Variants in PROSER2 observed in about 807,000 individuals in gnomAD.
PROSER2 encodes the protein proline and serine rich 2, also known as proline and serine-rich protein 2.
PROSER2 carries 18 observed loss-of-function variants against 14.6 expected under a neutral mutation model. The ratio of observed to expected loss-of-function variants is 1.23; its 90% confidence interval spans 0.85 to 1.83. The LOEUF (loss-of-function observed/expected upper bound fraction) is 1.83, where lower values mean the gene tolerates loss of function less well. PROSER2 is among the 40% of genes most tolerant of loss of function. The pLI is 0.00. For synonymous variants in PROSER2, 367 were observed against 286.4 expected, an observed-to-expected ratio of 1.28 and a Z score of -2.84; for missense variants, 823 against 629.8, an observed-to-expected ratio of 1.31 and a Z score of -3.28.
intron 1 of PROSER2, among the ~76,000 whole-genome samples, chr10:11,844,090 C>G (rs905889483): frequency 1.3e-5 from 2 of 152,158 alleles, no homozygotes; most frequent in Admixed American, 6.5e-5. Context: ...CTCCTGGCCT[C>G]AAGTGATCCT....
intron 1 of PROSER2, among the ~76,000 whole-genome samples, chr10:11,824,042 C>T (rs973171027): frequency 2.0e-5 from 3 of 152,156 alleles, no homozygotes; most frequent in South Asian, 2.1e-4. Context: ...GAACAAAAGG[C>T]AGTAAAATAA....
Position 11,836,583 on chromosome 10 carries a change from C to T in PROSER2, c.-82+13113C>T, listed in dbSNP as rs1278759736. Among the ~76,000 whole-genome samples the T allele has an allele frequency of 6.6e-6, 1 of 152,124 alleles. No homozygotes were observed. The highest frequency in any genetic ancestry group is 1.5e-5 in the Non-Finnish European group (1 of 68,026). On this transcript the variant is annotated intron_variant, in intron 1 of 3. Transcript: ENST00000277570. The surrounding 1 kb of genome is among the most constrained non-coding windows in gnomAD (Gnocchi z 4.6). ...ATCTTCACAAAATTCATGGTATGCA[C>T]GCCGGCCCCTTCCTAGCGTGTAGGT... is the stretch of plus-strand genomic sequence containing the variant.
At chr10:11,834,370 A>C (rs1184209940) in intron 1 of PROSER2, among the ~76,000 whole-genome samples, 3 of 151,984 alleles carry the variant, frequency 2.0e-5, no homozygotes, top group Admixed American at 1.3e-4. Context: ...GCCAGATTCT[A>C]GAGAGACACT....
rs748952008 is a variant in PROSER2 at position 11,852,227 on chromosome 10, T to A, written c.138+12T>A. On this transcript the variant is annotated intron_variant, in intron 2 of 3. Transcript: ENST00000277570. ...GAAGCTTCACTTTGGTGAGTGACAG[T>A]TTTTCTTTCATGCTTTCCTGTGCCT... The A allele has an allele frequency of 5.6e-5, 90 of 1,593,930 alleles. No homozygotes were observed. The highest frequency in any genetic ancestry group is 3.3e-4 in the Middle Eastern group (2 of 6,028).
chr10:11,839,804 A>G (rs71487597), intron 1 of PROSER2, among the ~76,000 whole-genome samples: 2 of 150,298 alleles, frequency 1.3e-5, no homozygotes, highest in South Asian at 2.1e-4. Context: ...CAGCCTGGGC[A>G]ACAGAGTGAG....
Position 11,870,402 on chromosome 10 carries a change from C to A in PROSER2, c.1304C>A (p.Ser435Ter). The A allele has an allele frequency of 6.7e-7, 1 of 1,494,164 alleles. No individual in the cohort carries two copies. Among genetic ancestry groups the A allele is most frequent in the Non-Finnish European group, 8.9e-7 (1 of 1,124,856 alleles). 92.6% of individuals were successfully genotyped at this position (1,494,164 alleles called of 1,614,324 possible). The change falls in exon 4 of 4, where the codon TCG (serine) becomes TAG (stop). Residue 435 changes from serine to a stop codon, truncating the protein, a stop_gained. Transcript: ENST00000277570. LOFTEE classifies it high-confidence loss of function. ...AAGCTGGGGCTGCTCAGGGAGAGTT[C>A]GTGAGGGCCGCGCGGGCTCCAGTCC... ...LRKLGLLRES[S>*]
rs746305205 is a variant in PROSER2, at chr10:11,865,425, T to G, written c.139-1106T>G. ...CTCCACATAGTTCATTTCCTGTAAG[T>G]TGCTTTTCTATCCTTTGATTTTGAT... On this transcript the variant is annotated intron_variant, in intron 2 of 3. Coordinates refer to ENST00000277570, the MANE Select transcript of PROSER2 (RefSeq NM_153256.4). This position sits in a 1 kb window ranked among gnomAD's most constrained non-coding sequence, Gnocchi z 4.2. 6.6e-6 allele frequency among the ~76,000 whole-genome samples: 1 copy of G among 152,236 alleles called. No homozygotes were observed. Among genetic ancestry groups the G allele is most frequent in the Non-Finnish European group, 1.5e-5 (1 of 68,042 alleles).
chr10:11,849,003 A>G (rs991816224), intron 1 of PROSER2, among the ~76,000 whole-genome samples: 1 of 152,120 alleles, frequency 6.6e-6, no homozygotes. Flanking sequence ...CCTGGCCAAC[A>G]TGGTGAAACC....
intron 1 of PROSER2, among the ~76,000 whole-genome samples, chr10:11,843,089 C>T (rs1379691117): frequency 5.3e-5 from 8 of 150,152 alleles, no homozygotes; most frequent in Admixed American, 1.3e-4. Context: ...TACAGGCGCC[C>T]GCCACCATGC....
At chr10:11,835,652 A>G (rs1204624058) in intron 1 of PROSER2, among the ~76,000 whole-genome samples, 1 of 152,194 alleles carries the variant, frequency 6.6e-6, no homozygotes, top group East Asian at 1.9e-4. Flanking sequence ...TTTTGTTAAT[A>G]CACAATTACA....
At position 11,870,244 on chromosome 10, in the gene PROSER2, C is replaced by T; in HGVS notation, c.1146C>T (p.Ser382=). The T allele has an allele frequency of 3.4e-6, 5 of 1,488,212 alleles. No individual in the cohort carries two copies. The highest frequency in any genetic ancestry group is 4.5e-5 in the Admixed American group (2 of 44,126). 92.2% of individuals were successfully genotyped at this position (1,488,212 alleles called of 1,614,324 possible). The stretch of plus-strand genomic sequence containing the variant: ...TGCCCAGCACGCGGGCCCGTCAGAG[C>T]TTCCCCGGGCCCCGGCAGCCCAACG... The part of the protein sequence containing the change: ...PALPSTRARQ[S]FPGPRQPNGA... The change falls in exon 4 of 4, where the codon AGC becomes AGT. Residue 382 remains serine (S), a synonymous_variant. Coordinates refer to ENST00000277570, the MANE Select transcript of PROSER2 (RefSeq NM_153256.4).
At chr10:11,867,503 A>G (rs967839162) in intron 3 of PROSER2, among the ~76,000 whole-genome samples, 2 of 151,214 alleles carry the variant, frequency 1.3e-5, no homozygotes, top group African/African-American at 2.4e-5. Context: ...GCACACCTGT[A>G]GTCCCAGCTG....
chr10:11,857,212 G>A (rs1209936290), intron 2 of PROSER2: 1 of 151,926 alleles, frequency 6.6e-6, no homozygotes, highest in African/African-American at 2.4e-5. Flanking sequence ...GGGTGTGTCT[G>A]TCTCAGTCAA....
At chr10:11,857,537 G>T (rs1834144637) in intron 2 of PROSER2, among the ~76,000 whole-genome samples, 1 of 152,066 alleles carries the variant, frequency 6.6e-6, no homozygotes, top group Non-Finnish European at 1.5e-5. Context: ...CTGAGGTCAG[G>T]ATTTGGAGAC....
intron 2 of PROSER2, among the ~76,000 whole-genome samples, chr10:11,853,657 G>A (rs1456379119): frequency 6.6e-6 from 1 of 152,178 alleles, no homozygotes; most frequent in Non-Finnish European, 1.5e-5. Flanking sequence ...TTAGTGTCCA[G>A]GTGGGGCGCC....
intron 1 of PROSER2, chr10:11,849,935 C>G (rs1363276739): frequency 6.6e-6 from 1 of 152,370 alleles, no homozygotes; most frequent in Admixed American, 6.5e-5. Flanking sequence ...TGTGCTCTCT[C>G]TCTCTCACCA....
chr10:11,845,553 C>CA (rs954296307), intron 1 of PROSER2, among the ~76,000 whole-genome samples: 61 of 151,894 alleles, frequency 4.0e-4, no homozygotes, highest in African/African-American at 1.4e-3. Flanking sequence ...AGATTATTTA[C>CA]AAAAAATACA....
intron 2 of PROSER2, among the ~76,000 whole-genome samples, chr10:11,863,255 G>A (rs1834278680): frequency 6.6e-6 from 1 of 152,062 alleles, no homozygotes; most frequent in Non-Finnish European, 1.5e-5. Context: ...TAGACCACAG[G>A]CTCTGTATGG....
At position 11,836,675 on chromosome 10, in the gene PROSER2, C is replaced by G. The variant is rs1033110063; in HGVS notation, c.-82+13205C>G. Among the ~76,000 whole-genome samples, 11 of 152,088 alleles carry G rather than the reference C, an allele frequency of 7.2e-5. No individual in the cohort carries two copies. The highest frequency in any genetic ancestry group is 2.7e-4 in the African/African-American group (11 of 41,378). ...ACCTCTGCCCTACTGTATATCCTGA[C>G]ACAGGAAGGGGGATGTCTTTTAGAA... On this transcript the variant is annotated intron_variant, in intron 1 of 3. Coordinates refer to ENST00000277570, the MANE Select transcript of PROSER2 (RefSeq NM_153256.4). The surrounding 1 kb of genome is among the most constrained non-coding windows in gnomAD (Gnocchi z 4.6).
Sources: gnomAD v4.1 joint callset for allele counts (sites outside exome capture counted in the v4.1 genomes callset) on GRCh38, gnomAD v4.1.1 for gene constraint, Gnocchi (gnomAD v3.1) non-coding constraint, MANE v1.5 for transcripts, NCBI Gene and HGNC (gene_info 2026-07-23, HGNC 2026-07-21) for gene names.